MBD2: variants seen among roughly 807,000 people sequenced by gnomAD.
MBD2 encodes the protein methyl-CpG-binding domain protein 2.
Under a neutral mutation model 39.3 loss-of-function variants are expected in MBD2, and 9 were observed. The observed-to-expected ratio is 0.23, with a 90% confidence interval of 0.14 to 0.40. The LOEUF is 0.40. Among genes scored for constraint, MBD2 ranks in the 10% least tolerant of loss-of-function variants. MBD2 has a pLI of 1.00. For missense variants in MBD2, 458 were observed against 532.6 expected (o/e 0.86, Z 1.38); for synonymous variants, 233 against 211.1 (o/e 1.10, Z -0.90).
chr18:54,223,983 A>AGGC, intron 1 of MBD2, 35 bp downstream of exon 1: 1 of 745,316 alleles, frequency 1.3e-6, no homozygotes, highest in Non-Finnish European at 2.2e-6. Flanking sequence ...CCCCGGCCTG[A>AGGC]CCCCGCCACC....
rs752630383 is a variant in MBD2 at position 54,224,091 on chromosome 18, G to C, written c.469C>G (p.Pro157Ala). ...ATCACTTCCTCCTTCTTCCATCCGG[G>C]GGGGAGGGCCGGGCAATCCATCCTC... ...GKRMDCPALP[P>A]GWKKEEVIRK... Residue 157 changes from proline to alanine, a missense_variant, in exon 1 of 7, where the codon CCC becomes GCC. By Grantham distance (27) the Pro-to-Ala change is conservative. This residue lies in a region of MBD2 where 269 missense variants were observed against 236.0 expected (regional missense o/e 1.14). Transcript: ENST00000256429. 20 of 1,596,378 alleles carry C rather than the reference G, an allele frequency of 1.3e-5. No homozygotes were observed. In the Admixed American group the frequency reaches 1.9e-4, roughly 15 times the overall value.
At chr18:54,157,424 C>G (rs1206067706) in intron 6 of MBD2, among the ~76,000 whole-genome samples, 1 of 152,046 alleles carries the variant, frequency 6.6e-6, no homozygotes, top group Non-Finnish European at 1.5e-5. Flanking sequence ...CCATGCCCAG[C>G]TAATTTTTGT....
In MBD2 at chr18:54,220,178, A is replaced by G. The variant is rs571863013; in HGVS notation, c.542+3840T>C. Among the ~76,000 whole-genome samples, 77 of 152,296 alleles carry G rather than the reference A, an allele frequency of 5.1e-4. 1 individual carries two copies. The highest frequency in any genetic ancestry group is 1.8e-3 in the African/African-American group (76 of 41,556). ...AGGAAGAAAATATCTCAAAAATATC[A>G]ATCAGCAAGTGTTATGCAAGCAACT... On this transcript the variant is annotated intron_variant, in intron 1 of 6. Transcript: ENST00000256429.
chr18:54,158,380 C>T (rs146289265), intron 6 of MBD2, among the ~76,000 whole-genome samples: 379 of 152,250 alleles, frequency 2.5e-3, no homozygotes, highest in Non-Finnish European at 4.9e-3. Flanking sequence ...TCTGTTGACC[C>T]TTGACATCAT....
rs546302646 is a variant in MBD2, at chr18:54,205,651, GA to G, written c.543-495del. Among the ~76,000 whole-genome samples the G allele has an allele frequency of 2.5e-3, 367 of 144,472 alleles. 1 individual carries two copies. Among genetic ancestry groups the G allele is most frequent in the Admixed American group, 3.9e-3 (57 of 14,574 alleles). The allele number at this position is 144,472 out of a possible 152,430, so 94.8% of individuals were successfully genotyped here. On this transcript the variant is annotated intron_variant, in intron 1 of 6. Coordinates refer to ENST00000256429, the MANE Select transcript of MBD2 (RefSeq NM_003927.5). ...AGGGAACTCCGTAACTTCCCTGTAA[GA>G]AAAAATCAAGTGTCACCTAATATAA...
At chr18:54,209,917 C>T (rs1359382751) in intron 1 of MBD2, among the ~76,000 whole-genome samples, 1 of 152,168 alleles carries the variant, frequency 6.6e-6, no homozygotes, top group Non-Finnish European at 1.5e-5. Flanking sequence ...GTCCTGGTCT[C>T]AGAAACACCA....
At chr18:54,217,969 A>G (rs944991189) in intron 1 of MBD2, among the ~76,000 whole-genome samples, 8 of 152,218 alleles carry the variant, frequency 5.3e-5, no homozygotes, top group African/African-American at 1.7e-4. Flanking sequence ...TCAGAGCACA[A>G]TCTCCACCAC....
chr18:54,161,962 C>G (rs2086101583), intron 5 of MBD2, among the ~76,000 whole-genome samples: 1 of 152,118 alleles, frequency 6.6e-6, no homozygotes, highest in Non-Finnish European at 1.5e-5. Flanking sequence ...AAGGGGCACA[C>G]GGAGGAGCCA....
At chr18:54,210,921 G>T (rs999258634) in intron 1 of MBD2, among the ~76,000 whole-genome samples, 1 of 141,682 alleles carries the variant, frequency 7.1e-6, no homozygotes, top group African/African-American at 2.7e-5. Context: ...GCCCAGGCTG[G>T]AGTGCAGTGG....
intron 3 of MBD2, among the ~76,000 whole-genome samples, chr18:54,177,710 T>C (rs1160838070): frequency 6.6e-6 from 1 of 152,060 alleles, no homozygotes; most frequent in African/African-American, 2.4e-5. Context: ...CTCAATCTCC[T>C]GACTCGTTAT....
chr18:54,177,656 A>G (rs892631975), intron 3 of MBD2, among the ~76,000 whole-genome samples: 4 of 151,480 alleles, frequency 2.6e-5, no homozygotes, highest in Non-Finnish European at 5.9e-5. Context: ...AATTTTTTGT[A>G]ATTTTAGTAG....
intron 3 of MBD2, among the ~76,000 whole-genome samples, chr18:54,177,775 A>T (rs2086222632): frequency 9.9e-6 from 1 of 101,474 alleles, no homozygotes; most frequent in African/African-American, 3.6e-5. Context: ...CCACTAAATT[A>T]ATTCCTATTC....
At chr18:54,159,706 A>C (rs2086081220) in intron 6 of MBD2, 59 bp downstream of exon 6, 3 of 1,569,328 alleles carry the variant, frequency 1.9e-6, no homozygotes, top group Non-Finnish European at 2.6e-6. Flanking sequence ...CAGAAGCACT[A>C]TGTCCGGCCA....
Position 54,168,619 on chromosome 18 carries a change from G to A in MBD2, c.841-2453C>T, listed in dbSNP as rs371512969. On this transcript the variant is annotated intron_variant, in intron 3 of 6. Transcript: ENST00000256429. ...TATATTTATGTATGCATATTTGTGT[G>A]TGTGTGTGTGTGTGTGTGTGTGTGT... Among the ~76,000 whole-genome samples the A allele has an allele frequency of 4.2e-3, 151 of 35,958 alleles. 1 individual carries two copies. The highest frequency in any genetic ancestry group is 0.039 in the African/African-American group (113 of 2,894). 23.6% of individuals were successfully genotyped at this position (35,958 alleles called of 152,430 possible).
At position 54,224,071 on chromosome 18, in the gene MBD2, T is replaced by C. The variant is rs766149091; in HGVS notation, c.489A>G (p.Glu163=). 12 of 1,588,240 alleles carry C rather than the reference T, an allele frequency of 7.6e-6. No individual in the cohort carries two copies. The Admixed American group carries it at 1.0e-4, about 13-fold the overall frequency. The change falls in exon 1 of 7, where the codon GAA becomes GAG. Residue 163 remains glutamate (E), a synonymous_variant. Transcript: ENST00000256429. ...CACTTAGCCCAGATTTTCGGATCAC[T>C]TCCTCCTTCTTCCATCCGGGGGGGA... ...PALPPGWKKE[E]VIRKSGLSAG... is the part of the protein sequence containing the mutation.
intron 1 of MBD2, among the ~76,000 whole-genome samples, chr18:54,216,971 C>T (rs1176891594): frequency 1.3e-5 from 2 of 152,186 alleles, no homozygotes; most frequent in African/African-American, 4.8e-5. Context: ...TGCCTGTAAT[C>T]CCGGCTACTT....
rs564820927 is a variant in MBD2 at position 54,166,032 on chromosome 18, G to A, written c.931+44C>T. ...CATCTAACAGAGTGCCTGGCATGCA[G>A]TAGGTACTTGATAAATGTCTGCTCA... On this transcript the variant is annotated intron_variant, in intron 4 of 6. Coordinates refer to ENST00000256429, the MANE Select transcript of MBD2 (RefSeq NM_003927.5). 2.1e-5 allele frequency: 28 copies of A among 1,303,828 alleles called. No homozygotes were observed. In the East Asian group the frequency reaches 6.3e-4, roughly 29 times the overall value. 80.8% of individuals were successfully genotyped at this position (1,303,828 alleles called of 1,614,324 possible).
chr18:54,190,728 C>T (rs2086314696), intron 2 of MBD2, among the ~76,000 whole-genome samples: 1 of 152,124 alleles, frequency 6.6e-6, no homozygotes, highest in South Asian at 2.1e-4. Context: ...CATCATATGG[C>T]TAAAAGTCAG....
intron 2 of MBD2, among the ~76,000 whole-genome samples, chr18:54,190,819 A>G (rs896093999): frequency 1.3e-5 from 2 of 152,224 alleles, no homozygotes; most frequent in African/African-American, 4.8e-5. Context: ...CTTAACACTG[A>G]AGCTTCGTAA....
Sources: gnomAD v4.1 joint callset for allele counts (sites outside exome capture counted in the v4.1 genomes callset) on GRCh38, gnomAD v4.1.1 for gene constraint, gnomAD v4.1.1 regional missense constraint, MANE v1.5 for transcripts, NCBI Gene and HGNC (gene_info 2026-07-23, HGNC 2026-07-21) for gene names.